NBEA: variants seen among roughly 807,000 people sequenced by gnomAD.
NBEA encodes lysosomal-trafficking regulator 2.
In NBEA, 44 loss-of-function variants were observed where a neutral mutation model predicts 343.4. The observed-to-expected ratio is 0.13, with a 90% CI of 0.10 to 0.16. NBEA has a LOEUF of 0.16. Among genes scored for constraint, NBEA ranks in the 10% least tolerant of loss-of-function variants. The pLI is 1.00. For missense variants in NBEA, 2,555 were observed against 3,631.3 expected (o/e 0.70, Z 7.62); for synonymous variants, 1,175 against 1,238.7 (o/e 0.95, Z 1.08).
chr13:35,037,905 G>A (rs9543094), intron 1 of NBEA, among the ~76,000 whole-genome samples: 140,928 of 152,202 alleles, frequency 0.93, 65,758 homozygotes, highest in Non-Finnish European at 0.99. Flanking sequence ...AACAAAGCCA[G>A]CTGGGCCTGT....
intron 38 of NBEA, among the ~76,000 whole-genome samples, chr13:35,374,568 A>G (rs2041635892): frequency 6.6e-6 from 1 of 152,118 alleles, no homozygotes; most frequent in African/African-American, 2.4e-5. Flanking sequence ...GGTGTGTTGT[A>G]CCTCATAGGT....
intron 35 of NBEA, among the ~76,000 whole-genome samples, chr13:35,308,534 A>G (rs1434779664): frequency 8.1e-6 from 1 of 123,958 alleles, no homozygotes; most frequent in South Asian, 2.3e-4. Flanking sequence ...ATATATATGT[A>G]TATATGTATA....
intron 34 of NBEA, among the ~76,000 whole-genome samples, chr13:35,273,003 C>A (rs1460732938): frequency 1.3e-5 from 2 of 152,148 alleles, no homozygotes; most frequent in Admixed American, 6.5e-5. Context: ...CCAAGCAGAC[C>A]TAATAGACAG....
intron 34 of NBEA, among the ~76,000 whole-genome samples, chr13:35,236,265 C>A (rs1375577441): frequency 6.6e-6 from 1 of 152,144 alleles, no homozygotes; most frequent in Admixed American, 6.6e-5. Context: ...GTATCCCTCA[C>A]AATTTGGTCA....
intron 36 of NBEA, among the ~76,000 whole-genome samples, chr13:35,335,593 A>G (rs1361585095): frequency 6.6e-6 from 1 of 152,062 alleles, no homozygotes; most frequent in African/African-American, 2.4e-5. Context: ...TATTGAATAT[A>G]TTTTCAACTT....
chr13:35,208,787 AACAGGC>A lies in NBEA; in HGVS notation c.5456_5461del (p.Thr1819_Gly1820del). The stretch of plus-strand genomic sequence containing the variant: ...CCACTACTGCTGGAAGTGGGCTGCC[AACAGGC>A]AGTACCTCTAATATATTTGCTGCTA... On this transcript the variant is annotated inframe_deletion, in exon 32 of 59. Transcript: ENST00000379939. The A allele has an allele frequency of 3.7e-6, 6 of 1,611,134 alleles. No homozygotes were observed. Among genetic ancestry groups the A allele is most frequent in the Non-Finnish European group, 5.1e-6 (6 of 1,178,294 alleles).
At chr13:35,510,255 G>C (rs2077225718) in intron 41 of NBEA, among the ~76,000 whole-genome samples, 1 of 152,182 alleles carries the variant, frequency 6.6e-6, no homozygotes, top group African/African-American at 2.4e-5. Context: ...AGGTGTTCTA[G>C]AGAGGTTTTT....
chr13:35,410,296 T>C (rs1027561580), intron 38 of NBEA, among the ~76,000 whole-genome samples: 3 of 152,152 alleles, frequency 2.0e-5, no homozygotes, highest in Non-Finnish European at 4.4e-5. Flanking sequence ...ATCTGAGCCA[T>C]AGCTTTACAG....
Position 35,672,076 on chromosome 13 carries a change from C to G in NBEA, c.*1085C>G, listed in dbSNP as rs2085637135. Reference sequence around the variant, plus strand: ...GTTCTCGTGAAATTCTCACTGAAAGCCACATTCTTAGCCTAAGGCATTTCA... The same window carrying G: ...GTTCTCGTGAAATTCTCACTGAAAGGCACATTCTTAGCCTAAGGCATTTCA... On this transcript the variant is annotated 3_prime_UTR_variant, in exon 59 of 59. Transcript: ENST00000379939. 1 of 152,614 alleles carries G rather than the reference C, an allele frequency of 6.6e-6. No individual in the cohort carries two copies. Among genetic ancestry groups the G allele is most frequent in the Non-Finnish European group, 1.5e-5 (1 of 68,046 alleles). 9.5% of individuals were successfully genotyped at this position (152,614 alleles called of 1,614,324 possible). A position where few individuals can be genotyped will look rare whatever the true frequency, so the allele number is the denominator to read the frequency against.
intron 41 of NBEA, among the ~76,000 whole-genome samples, chr13:35,500,324 A>C (rs1284965849): frequency 6.6e-6 from 1 of 152,118 alleles, no homozygotes; most frequent in East Asian, 1.9e-4. Flanking sequence ...ATCATTAGCC[A>C]TAAGACTGTT....
At chr13:35,214,007 A>G (rs372065230) in intron 33 of NBEA, among the ~76,000 whole-genome samples, 2 of 151,872 alleles carry the variant, frequency 1.3e-5, no homozygotes, top group African/African-American at 2.4e-5. Context: ...AGTACATACT[A>G]TTTTTGGTGT....
At chr13:35,048,310 C>A (rs993189526) in intron 4 of NBEA, among the ~76,000 whole-genome samples, 2 of 151,850 alleles carry the variant, frequency 1.3e-5, no homozygotes, top group African/African-American at 4.8e-5. Flanking sequence ...AGTCTGAAAC[C>A]CGCTATGTAA....
intron 17 of NBEA, among the ~76,000 whole-genome samples, chr13:35,138,350 C>A (rs11616267): frequency 0.019 from 2,956 of 151,738 alleles, 50 homozygotes; most frequent in South Asian, 0.035. Context: ...AGGAAATAAC[C>A]ATGGTTATGC....
Position 35,649,791 on chromosome 13 carries a change from T to C in NBEA, c.7907T>C (p.Val2636Ala). Residue 2636 changes from valine to alanine, a missense_variant, in exon 52 of 59, where the codon GTG (valine) becomes GCG (alanine). Physicochemically the swap from Val to Ala is moderately conservative, Grantham distance 64. This residue lies in a region of NBEA where 61 missense variants were observed against 132.1 expected (regional missense o/e 0.46). Transcript: ENST00000379939. ...CTGCCCCACTTGACCATCCCCGCAG[T>C]GGTGACAGTGACTTGCAGCCGACTC... ...NTLPHLTIPA[V>A]VTVTCSRLFA... 6.2e-7 allele frequency: 1 copy of C among 1,614,002 alleles called. No homozygotes were observed. The highest frequency in any genetic ancestry group is 8.5e-7 in the Non-Finnish European group (1 of 1,179,896).
chr13:35,463,840 G>T (rs1033972721), intron 40 of NBEA, among the ~76,000 whole-genome samples: 2 of 152,010 alleles, frequency 1.3e-5, no homozygotes. Context: ...GAGAGCAGAG[G>T]GGGCAGGGGA....
intron 41 of NBEA, among the ~76,000 whole-genome samples, chr13:35,479,266 G>A (rs923977609): frequency 6.6e-6 from 1 of 152,144 alleles, no homozygotes; most frequent in African/African-American, 2.4e-5. Context: ...GGATTCACCG[G>A]TCCGCGATTA....
intron 53 of NBEA, among the ~76,000 whole-genome samples, chr13:35,652,832 T>C (rs181351773): frequency 0.048 from 7,090 of 148,806 alleles, 200 homozygotes; most frequent in Middle Eastern, 0.064. Flanking sequence ...GTAGCTGGGA[T>C]TACAGGCGCC....
At chr13:35,487,307 G>A (rs2152970882) in intron 41 of NBEA, among the ~76,000 whole-genome samples, 1 of 151,854 alleles carries the variant, frequency 6.6e-6, no homozygotes, top group Middle Eastern at 3.4e-3. Context: ...TACTTATATA[G>A]AATTAGTACT....
chr13:35,496,370 C>T (rs1249429101), intron 41 of NBEA, among the ~76,000 whole-genome samples: 2 of 151,802 alleles, frequency 1.3e-5, no homozygotes, highest in Admixed American at 6.6e-5. Context: ...TGTGGGGGCT[C>T]ACTCATATAA....
Sources: gnomAD v4.1 joint callset for allele counts (sites outside exome capture counted in the v4.1 genomes callset) on GRCh38, gnomAD v4.1.1 for gene constraint, gnomAD v4.1.1 regional missense constraint, MANE v1.5 for transcripts, NCBI Gene and HGNC (gene_info 2026-07-23, HGNC 2026-07-21) for gene names.